KSR2: variants seen among roughly 807,000 people sequenced by gnomAD.
KSR2 encodes kinase suppressor of ras 2.
Under a neutral mutation model 107.8 loss-of-function variants are expected in KSR2, and 25 were observed. The ratio of observed to expected loss-of-function variants is 0.23; its 90% confidence interval spans 0.17 to 0.32. KSR2 has a LOEUF of 0.32. Ranked by LOEUF, KSR2 falls within the 10% of genes least tolerant of loss-of-function variation. The pLI is 1.00. For synonymous variants in KSR2, 480 were observed against 507.0 expected (o/e 0.95, Z 0.71); for missense variants, 887 against 1,268.9 (o/e 0.70, Z 4.57).
intron 3 of KSR2, among the ~76,000 whole-genome samples, chr12:117,828,785 G>A (rs529787093): frequency 6.6e-6 from 1 of 152,156 alleles, no homozygotes; most frequent in Admixed American, 6.5e-5. Context: ...ACCCTCTGTG[G>A]GATGCACCAG....
At chr12:117,968,001 G>T in intron 1 of KSR2, 75 bp downstream of exon 1, 1 of 1,324,984 alleles carries the variant, frequency 7.5e-7, no homozygotes, top group Non-Finnish European at 1.1e-6. Flanking sequence ...GGGGACCGTG[G>T]GGAGAAAGGA....
chr12:117,557,706 T>C (rs901609270), intron 8 of KSR2, among the ~76,000 whole-genome samples: 6 of 152,232 alleles, frequency 3.9e-5, no homozygotes, highest in Admixed American at 1.3e-4. Context: ...TTTTAATTAA[T>C]CTAAATTTAA....
chr12:117,935,050 A>T (rs1895797450), intron 1 of KSR2, among the ~76,000 whole-genome samples: 1 of 151,422 alleles, frequency 6.6e-6, no homozygotes, highest in Non-Finnish European at 1.5e-5. Context: ...CTGGTCTCAA[A>T]CTCCTGGGTT....
At chr12:117,532,824 AAT>A (rs1875755167) in intron 10 of KSR2, among the ~76,000 whole-genome samples, 1 of 152,146 alleles carries the variant, frequency 6.6e-6, no homozygotes, top group Non-Finnish European at 1.5e-5. Context: ...TCCTTAAGTA[AAT>A]GAAGAGGGCA....
chr12:117,749,587 TTCA>T (rs1237013089), intron 4 of KSR2, among the ~76,000 whole-genome samples: 1 of 152,096 alleles, frequency 6.6e-6, no homozygotes, highest in Non-Finnish European at 1.5e-5. Flanking sequence ...ACCACAAAAA[TTCA>T]TCAAGAAGCA....
chr12:117,704,395 T>A (rs1016939302), intron 4 of KSR2, among the ~76,000 whole-genome samples: 2 of 152,174 alleles, frequency 1.3e-5, no homozygotes, highest in African/African-American at 4.8e-5. Context: ...CTACAGTCTC[T>A]TTAATAATTG....
chr12:117,840,761 G>C (rs539772915), intron 3 of KSR2, among the ~76,000 whole-genome samples: 2 of 152,096 alleles, frequency 1.3e-5, no homozygotes, highest in Non-Finnish European at 2.9e-5. Context: ...CCAACACTCT[G>C]GGAGGCCGAG....
rs77144050 is a variant in KSR2 at position 117,860,508 on chromosome 12, G to A, written c.181-77C>T. On this transcript the variant is annotated intron_variant, in intron 1 of 19. Transcript: ENST00000339824. The stretch of plus-strand genomic sequence containing the variant: ...AGGAAGAGAGGCGAGAACCCCCTAC[G>A]AACCCCCACCCTAAACCCAGCCAAC... 5.8e-3 allele frequency: 8,170 copies of A among 1,410,986 alleles called. 280 individuals are homozygous for A. The East Asian group carries it at 0.11, about 18-fold the overall frequency. The allele number at this position is 1,410,986 out of a possible 1,614,324, so 87.4% of individuals were successfully genotyped here.
chr12:117,521,785 T>C (rs550097765), intron 14 of KSR2, among the ~76,000 whole-genome samples: 25 of 152,350 alleles, frequency 1.6e-4, no homozygotes, highest in African/African-American at 5.8e-4. Context: ...GGTTGGCTAT[T>C]GTCCAACCAT....
chr12:117,494,657 A>G (rs748350641), intron 14 of KSR2, among the ~76,000 whole-genome samples: 2 of 152,200 alleles, frequency 1.3e-5, no homozygotes, highest in Non-Finnish European at 2.9e-5. Flanking sequence ...CCTTAATCCT[A>G]CAAGCTGAAG....
chr12:117,836,417 A>T (rs1892215573), intron 3 of KSR2, among the ~76,000 whole-genome samples: 1 of 152,158 alleles, frequency 6.6e-6, no homozygotes, highest in African/African-American at 2.4e-5. Context: ...GGGTTGTATG[A>T]TTCCCAATTC....
intron 14 of KSR2, among the ~76,000 whole-genome samples, chr12:117,502,800 G>C (rs1408586264): frequency 1.3e-5 from 2 of 152,166 alleles, no homozygotes; most frequent in Admixed American, 6.5e-5. Flanking sequence ...AAAACACCCT[G>C]ATTTCACAGC....
At chr12:117,893,452 G>T (rs1209409288) in intron 1 of KSR2, among the ~76,000 whole-genome samples, 1 of 152,164 alleles carries the variant, frequency 6.6e-6, no homozygotes, top group Non-Finnish European at 1.5e-5. Flanking sequence ...GTAGGCTGTG[G>T]CCCGTGAACC....
intron 19 of KSR2, chr12:117,467,767 G>T: frequency 9.3e-6 from 4 of 428,620 alleles, no homozygotes; most frequent in South Asian, 6.8e-5. Context: ...TTTGTTGACT[G>T]CTGTATTCTC....
intron 1 of KSR2, among the ~76,000 whole-genome samples, chr12:117,954,235 G>A (rs930446230): frequency 2.6e-5 from 4 of 152,214 alleles, no homozygotes; most frequent in African/African-American, 9.6e-5. Context: ...GACAACCTCT[G>A]AAGGGTCCCC....
At chr12:117,936,533 T>TTATTATTAGTAGTAGTAG (rs1555258977) in intron 1 of KSR2, among the ~76,000 whole-genome samples, 1 of 119,658 alleles carries the variant, frequency 8.4e-6, no homozygotes, top group Non-Finnish European at 1.7e-5. Context: ...ATTATTATTA[T>TTATTATTAGTAGTAGTAG]TAGTAGTAGT....
intron 1 of KSR2, among the ~76,000 whole-genome samples, chr12:117,917,058 C>T (rs554757425): frequency 3.2e-4 from 48 of 152,248 alleles, no homozygotes; most frequent in Admixed American, 2.9e-3. Flanking sequence ...AATCAGCATC[C>T]CTGACCTTTA....
intron 1 of KSR2, among the ~76,000 whole-genome samples, chr12:117,898,447 G>A (rs545470448): frequency 2.6e-5 from 4 of 151,668 alleles, no homozygotes; most frequent in Non-Finnish European, 5.9e-5. Context: ...AGCCTCCCGA[G>A]TAGTTGGGAT....
chr12:117,944,735 G>A (rs918415330), intron 1 of KSR2, among the ~76,000 whole-genome samples: 3 of 151,628 alleles, frequency 2.0e-5, no homozygotes, highest in African/African-American at 4.8e-5. Context: ...GCACACGCCC[G>A]TAGTCCCAGC....
Sources: allele counts gnomAD v4.1 joint callset (sites outside exome capture counted in the v4.1 genomes callset), GRCh38; gene constraint gnomAD v4.1.1; transcripts MANE v1.5; gene names NCBI Gene and HGNC (gene_info 2026-07-23, HGNC 2026-07-21).